Variants in CDS2 observed in about 807,000 individuals in gnomAD.
The protein encoded by CDS2 is CDP-diacylglycerol synthase 2, also known as phosphatidate cytidylyltransferase 2.
A neutral mutation model predicts 59.0 loss-of-function variants in CDS2; 47 were observed. The observed-to-expected ratio is 0.80, with a 90% CI of 0.63 to 1.02. The LOEUF (loss-of-function observed/expected upper bound fraction) is 1.02, where lower values mean the gene tolerates loss of function less well. CDS2 is among the 50% of genes least tolerant of loss of function. The pLI is 0.00. For synonymous variants in CDS2, 207 were observed against 206.4 expected (o/e 1.00, Z -0.02); for missense variants, 356 against 558.9 (o/e 0.64, Z 3.66).
intron 1 of CDS2, among the ~76,000 whole-genome samples, chr20:5,165,598 G>T (rs981101238): frequency 1.3e-5 from 2 of 152,078 alleles, no homozygotes; most frequent in Non-Finnish European, 2.9e-5. Flanking sequence ...ATCTAGGCTG[G>T]AATGCAGTGG....
At chr20:5,157,577 G>A (rs981431197) in intron 1 of CDS2, among the ~76,000 whole-genome samples, 1 of 152,174 alleles carries the variant, frequency 6.6e-6, no homozygotes, top group Non-Finnish European at 1.5e-5. Context: ...AACAACAGAA[G>A]TTTATTTCTC....
At position 5,186,844 on chromosome 20, in the gene CDS2, G is replaced by C; in HGVS notation, c.981+5G>C. On this transcript the variant is annotated splice_donor_5th_base_variant and intron_variant, in intron 10 of 12. Coordinates refer to ENST00000460006, the MANE Select transcript of CDS2 (RefSeq NM_003818.4). ...ATCCAGTCAGTCATTGGCTGGGTAT[G>C]TGCCACTCACAGGGGGTGAGCGGCC... The C allele has an allele frequency of 1.2e-6, 2 of 1,614,004 alleles. No homozygotes were observed. Among genetic ancestry groups the C allele is most frequent in the Non-Finnish European group, 1.7e-6 (2 of 1,179,960 alleles).
chr20:5,176,816 C>T lies in CDS2; in HGVS notation c.389+71C>T, dbSNP rs545338553. ...GCTTTGTGGCAGGTACTTACAGTGA[C>T]GGTGGGTATTTCTATCACTTGCTAT... On this transcript the variant is annotated intron_variant, in intron 4 of 12. Coordinates refer to ENST00000460006, the MANE Select transcript of CDS2 (RefSeq NM_003818.4). 137 of 1,039,968 alleles carry T rather than the reference C, an allele frequency of 1.3e-4. No homozygotes were observed. In the South Asian group the frequency reaches 1.4e-3, roughly 10 times the overall value. 64.4% of individuals were successfully genotyped at this position (1,039,968 alleles called of 1,614,324 possible).
rs1194161601 is a variant in CDS2, at chr20:5,195,664, AAG to A, written c.*5434_*5435del. The A allele has an allele frequency of 2.0e-5, 3 of 152,404 alleles. No homozygotes were observed. Among genetic ancestry groups the A allele is most frequent in the African/African-American group, 7.2e-5 (3 of 41,440 alleles). 9.4% of individuals were successfully genotyped at this position (152,404 alleles called of 1,614,324 possible). A position where few individuals can be genotyped will look rare whatever the true frequency, so the allele number is the denominator to read the frequency against. On this transcript the variant is annotated 3_prime_UTR_variant, in exon 13 of 13. Coordinates refer to ENST00000460006, the MANE Select transcript of CDS2 (RefSeq NM_003818.4). ...TGGGTGGATGTCCTCAGGGGCCAAG[AAG>A]AGAAGAATGGGGACAACAGAAACCT... is the stretch of plus-strand genomic sequence containing the variant.
intron 1 of CDS2, among the ~76,000 whole-genome samples, chr20:5,148,492 G>A (rs535021801): frequency 9.2e-5 from 14 of 152,318 alleles, no homozygotes; most frequent in African/African-American, 3.1e-4. Flanking sequence ...GAGGCTCATG[G>A]AGACTGGTAG....
At position 5,146,451 on chromosome 20, in the gene CDS2, A is replaced by G. The variant is rs1308314013; in HGVS notation, c.57+19302A>G. Among the ~76,000 whole-genome samples, 5 of 152,142 alleles carry G rather than the reference A, an allele frequency of 3.3e-5. 1 individual carries two copies. The highest frequency in any genetic ancestry group is 3.3e-4 in the Admixed American group (5 of 15,272). On this transcript the variant is annotated intron_variant, in intron 1 of 12. Coordinates refer to ENST00000460006, the MANE Select transcript of CDS2 (RefSeq NM_003818.4). The stretch of plus-strand genomic sequence containing the variant: ...GAGGAAGAGGTCAGTGTCAAGTGCA[A>G]TGGGAGGGTGTTGAGTAGCGTAAGG...
chr20:5,182,307 C>G, intron 5 of CDS2, 80 bp from the exon 6 acceptor site: 1 of 1,258,720 alleles, frequency 7.9e-7, no homozygotes, highest in Non-Finnish European at 1.1e-6. Flanking sequence ...AGCCAAAGAA[C>G]CACTTAACAT....
intron 1 of CDS2, among the ~76,000 whole-genome samples, chr20:5,146,802 C>A (rs2090747208): frequency 6.6e-6 from 1 of 152,092 alleles, no homozygotes. Flanking sequence ...GTTTATTTTT[C>A]CTCACTTAAA....
chr20:5,143,411 G>A (rs907739735), intron 1 of CDS2, among the ~76,000 whole-genome samples: 1 of 152,118 alleles, frequency 6.6e-6, no homozygotes, highest in Non-Finnish European at 1.5e-5. Context: ...CACAGACTTT[G>A]TGACCAAGCA....
At chr20:5,158,258 CTCTCGAGATCAAGTGAT>C (rs1448905175) in intron 1 of CDS2, among the ~76,000 whole-genome samples, 2 of 151,494 alleles carry the variant, frequency 1.3e-5, no homozygotes, top group Non-Finnish European at 2.9e-5. Context: ...CAACTTCTGC[CTCTCGAGATCAAGTGAT>C]TCTCTTGCCT....
At chr20:5,183,790 C>T (rs1051388677) in intron 7 of CDS2, among the ~76,000 whole-genome samples, 9 of 152,132 alleles carry the variant, frequency 5.9e-5, no homozygotes, top group Non-Finnish European at 2.9e-5. Context: ...GGATTTTATT[C>T]CAAAAATGCA....
At chr20:5,148,866 C>G (rs2090766087) in intron 1 of CDS2, among the ~76,000 whole-genome samples, 1 of 152,188 alleles carries the variant, frequency 6.6e-6, no homozygotes, top group African/African-American at 2.4e-5. Flanking sequence ...CCACAGAATT[C>G]TCGGTACAGA....
chr20:5,173,082 G>A (rs1446381508), intron 1 of CDS2, among the ~76,000 whole-genome samples: 1 of 152,200 alleles, frequency 6.6e-6, no homozygotes, highest in Non-Finnish European at 1.5e-5. Flanking sequence ...CTGGACTTGG[G>A]ACATGTTGAC....
chr20:5,174,540 T>C (rs1985928), intron 2 of CDS2, among the ~76,000 whole-genome samples: 102,993 of 151,902 alleles, frequency 0.68, 36,803 homozygotes, highest in African/African-American at 0.91. Context: ...ATCGAGACCA[T>C]GGTGAAACCC....
rs2090586769 is a variant in CDS2, at chr20:5,129,607, T to TA, written c.57+2460dup. On this transcript the variant is annotated intron_variant, in intron 1 of 12. Transcript: ENST00000460006. ...GCAGGCGTGTGCTACCATGCCCGGC[T>TA]AATGTTGTATTTTTAGTAGAGGCAC... 5.9e-5 allele frequency among the ~76,000 whole-genome samples: 9 copies of TA among 152,112 alleles called. No individual in the cohort carries two copies. The South Asian group carries it at 1.9e-3, about 32-fold the overall frequency.
chr20:5,183,939 C>T (rs781702072), intron 7 of CDS2, among the ~76,000 whole-genome samples: 4 of 152,122 alleles, frequency 2.6e-5, no homozygotes, highest in Non-Finnish European at 5.9e-5. Context: ...AGGCGGATCA[C>T]GAGGTCAGGA....
intron 2 of CDS2, 99 bp downstream of exon 2, chr20:5,173,758 G>C: frequency 1.4e-6 from 2 of 1,420,700 alleles, no homozygotes; most frequent in South Asian, 1.2e-5. Flanking sequence ...TGCAGAGCAG[G>C]CCCGCTGTCT....
At chr20:5,158,537 A>T (rs953111126) in intron 1 of CDS2, among the ~76,000 whole-genome samples, 3 of 152,124 alleles carry the variant, frequency 2.0e-5, no homozygotes, top group Non-Finnish European at 4.4e-5. Flanking sequence ...TTGTTTCCAG[A>T]TTATAATGGA....
At chr20:5,169,595 A>G (rs1384536071) in intron 1 of CDS2, among the ~76,000 whole-genome samples, 1 of 152,214 alleles carries the variant, frequency 6.6e-6, no homozygotes, top group Non-Finnish European at 1.5e-5. Context: ...TGACATGTAT[A>G]TGGTGTTTTT....
Sources: gnomAD v4.1 joint callset for allele counts (sites outside exome capture counted in the v4.1 genomes callset) on GRCh38, gnomAD v4.1.1 for gene constraint, MANE v1.5 for transcripts, NCBI Gene and HGNC (gene_info 2026-07-23, HGNC 2026-07-21) for gene names.